PHACTR3: variants seen among roughly 807,000 people sequenced by gnomAD.
The protein encoded by PHACTR3 is protein phosphatase 1, regulatory subunit 123.
A neutral mutation model predicts 66.8 loss-of-function variants in PHACTR3; 16 were observed. That is an observed-to-expected ratio of 0.24 (90% CI 0.16 to 0.36). The LOEUF is 0.36. Ranked by LOEUF, PHACTR3 falls within the 10% of genes least tolerant of loss-of-function variation. The pLI, the probability that PHACTR3 is intolerant of heterozygous loss-of-function variation, is 1.00. For synonymous variants in PHACTR3, 323 were observed against 292.1 expected (o/e 1.11, Z -1.08); for missense variants, 647 against 719.9 (o/e 0.90, Z 1.16).
At chr20:59,788,810 A>T (rs1316521436) in intron 7 of PHACTR3, among the ~76,000 whole-genome samples, 1 of 152,118 alleles carries the variant, frequency 6.6e-6, no homozygotes, top group African/African-American at 2.4e-5. Context: ...AGCTAATGTC[A>T]TCTCCATGTT....
rs2042297453 is a variant in PHACTR3, at chr20:59,829,752, T to C, written c.1329-6753T>C. Among the ~76,000 whole-genome samples, 1 of 152,230 alleles carries C rather than the reference T, an allele frequency of 6.6e-6. No individual in the cohort carries two copies. Among genetic ancestry groups the C allele is most frequent in the Admixed American group, 6.5e-5 (1 of 15,294 alleles). On this transcript the variant is annotated intron_variant, in intron 8 of 12. Transcript: ENST00000371015. The surrounding 1 kb of genome is among the most constrained non-coding windows in gnomAD (Gnocchi z 4.2). ...TGTGGGTGTCGAGCTGTCTGTTCTC[T>C]CTAGGAAGGCATTCTGCCTTGTATG...
At chr20:59,777,907 T>G (rs983284578) in intron 7 of PHACTR3, among the ~76,000 whole-genome samples, 94 of 152,276 alleles carry the variant, frequency 6.2e-4, no homozygotes, top group African/African-American at 2.1e-3. Context: ...ACTCTACGCA[T>G]GCGTCCACGT....
intron 3 of PHACTR3, 111 bp downstream of exon 3, chr20:59,747,946 G>T: frequency 1.8e-6 from 2 of 1,142,070 alleles, no homozygotes; most frequent in Admixed American, 2.3e-5. Flanking sequence ...TCCAAGGAGG[G>T]CCGTGTTCAG....
chr20:59,713,157 C>CT (rs1320419151), intron 1 of PHACTR3, among the ~76,000 whole-genome samples: 1 of 152,284 alleles, frequency 6.6e-6, no homozygotes, highest in African/African-American at 2.4e-5. Context: ...GAATGTGTGC[C>CT]TTTTTGGGCA....
At chr20:59,624,104 G>A (rs1226093661) in intron 1 of PHACTR3, among the ~76,000 whole-genome samples, 1 of 152,158 alleles carries the variant, frequency 6.6e-6, no homozygotes, top group Admixed American at 6.5e-5. Flanking sequence ...AATGGCTGGG[G>A]CAGTGTCTCT....
rs145465090 is a variant in PHACTR3 at position 59,704,254 on chromosome 20, G to T, written c.119-38853G>T. 3.5e-4 allele frequency among the ~76,000 whole-genome samples: 53 copies of T among 152,214 alleles called. 1 individual carries two copies. In the East Asian group the frequency reaches 9.3e-3, roughly 27 times the overall value. On this transcript the variant is annotated intron_variant, in intron 1 of 12. Coordinates refer to ENST00000371015, the MANE Select transcript of PHACTR3 (RefSeq NM_080672.5). ...CATTTTTGTTGTCTACATTAGACTT[G>T]TTGTCCCTAGTTTCTTAGTAGCATT...
At position 59,616,679 on chromosome 20, in the gene PHACTR3, G is replaced by A. The variant is rs183788204; in HGVS notation, c.118+11547G>A. Among the ~76,000 whole-genome samples the A allele has an allele frequency of 2.0e-5, 3 of 152,320 alleles. No homozygotes were observed. The East Asian group carries it at 5.8e-4, about 29-fold the overall frequency. ...CGCTGAGCTGACCACCAGCCCCTGG[G>A]TTCCTTAGGGTTGCCTCTGGGCTCA... On this transcript the variant is annotated intron_variant, in intron 1 of 12. Transcript: ENST00000371015.
At chr20:59,618,865 G>GGGC (rs2034129687) in intron 1 of PHACTR3, among the ~76,000 whole-genome samples, 2 of 152,140 alleles carry the variant, frequency 1.3e-5, no homozygotes, top group East Asian at 3.9e-4. Flanking sequence ...TGAGAGCCTG[G>GGGC]AACTGTTTAG....
rs1256960904 is a variant in PHACTR3 at position 59,617,888 on chromosome 20, G to T, written c.118+12756G>T. Among the ~76,000 whole-genome samples the T allele has an allele frequency of 2.0e-5, 3 of 152,170 alleles. No homozygotes were observed. The East Asian group carries it at 5.8e-4, about 29-fold the overall frequency. On this transcript the variant is annotated intron_variant, in intron 1 of 12. Coordinates refer to ENST00000371015, the MANE Select transcript of PHACTR3 (RefSeq NM_080672.5). ...GGTGAGGCTGGGCTTGGGGAATAGC[G>T]CAGCAAACCGACCTGTTGCCTCATC...
intron 1 of PHACTR3, among the ~76,000 whole-genome samples, chr20:59,634,744 G>A (rs147426068): frequency 2.0e-5 from 3 of 152,334 alleles, no homozygotes; most frequent in African/African-American, 7.2e-5. Context: ...CCAGCAGAAC[G>A]TCCTGTGATG....
At chr20:59,743,334 G>A (rs934322811) in intron 2 of PHACTR3, 66 bp downstream of exon 2, 12 of 1,577,606 alleles carry the variant, frequency 7.6e-6, no homozygotes, top group African/African-American at 2.7e-5. Flanking sequence ...ATGGTGCTGC[G>A]GCCCCTGCTG....
At chr20:59,662,214 GAC>G (rs137932812) in intron 1 of PHACTR3, among the ~76,000 whole-genome samples, 1,673 of 152,320 alleles carry the variant, frequency 0.011, 43 homozygotes, top group African/African-American at 0.037. Context: ...AGTCTTGAGA[GAC>G]ACAGACACTA....
intron 1 of PHACTR3, among the ~76,000 whole-genome samples, chr20:59,610,904 A>G (rs2033826479): frequency 6.6e-6 from 1 of 152,200 alleles, no homozygotes; most frequent in African/African-American, 2.4e-5. Context: ...TCATCATCTC[A>G]TCCTCTGAAA....
At chr20:59,617,785 C>T (rs1290981332) in intron 1 of PHACTR3, among the ~76,000 whole-genome samples, 2 of 152,226 alleles carry the variant, frequency 1.3e-5, no homozygotes, top group East Asian at 3.9e-4. Flanking sequence ...CTCCCTTCGT[C>T]CCTCCTTCCA....
chr20:59,831,674 A>G (rs558724884), intron 8 of PHACTR3, among the ~76,000 whole-genome samples: 4 of 152,174 alleles, frequency 2.6e-5, no homozygotes, highest in East Asian at 1.9e-4. Flanking sequence ...AAGCCCAGCT[A>G]TGCTCCGGCC....
chr20:59,736,788 G>A lies in PHACTR3; in HGVS notation c.119-6319G>A, dbSNP rs965853845. 2.0e-4 allele frequency among the ~76,000 whole-genome samples: 30 copies of A among 152,112 alleles called. No individual in the cohort carries two copies. The highest frequency in any genetic ancestry group is 7.7e-4 in the East Asian group (4 of 5,168). ...TATTTTGAAGTTTCTCTTCTTGGGC[G>A]GAGAGTCATAGCTCTCACAAGCCCT... is the stretch of plus-strand genomic sequence containing the variant. On this transcript the variant is annotated intron_variant, in intron 1 of 12. Coordinates refer to ENST00000371015, the MANE Select transcript of PHACTR3 (RefSeq NM_080672.5). The surrounding 1 kb of genome is among the most constrained non-coding windows in gnomAD (Gnocchi z 4.6).
rs1002535387 is a variant in PHACTR3, at chr20:59,676,593, A to G, written c.119-66514A>G. The G allele has an allele frequency of 1.2e-5, 7 of 571,332 alleles. No individual in the cohort carries two copies. The African/African-American group carries it at 1.2e-4, about 10-fold the overall frequency. 35.4% of individuals were successfully genotyped at this position (571,332 alleles called of 1,614,324 possible). ...GCTGCGCCGGGTTGGAGGTTTTCTC[A>G]GGGAGCGGAGCGAGTCCCCAGGAGC... On this transcript the variant is annotated intron_variant, in intron 1 of 12. Coordinates refer to ENST00000371015, the MANE Select transcript of PHACTR3 (RefSeq NM_080672.5).
At chr20:59,699,718 C>T (rs2037428137) in intron 1 of PHACTR3, among the ~76,000 whole-genome samples, 1 of 152,150 alleles carries the variant, frequency 6.6e-6, no homozygotes, top group Non-Finnish European at 1.5e-5. Flanking sequence ...AATCCAAGCA[C>T]TTTGGGAGGC....
chr20:59,613,840 T>G lies in PHACTR3; in HGVS notation c.118+8708T>G, dbSNP rs75389507. Reference sequence around the variant, plus strand: ...AGATATGTGATCCAAGCCTAAACATTATGTCCATTCAAATTTTATTTAACA... The same window carrying G: ...AGATATGTGATCCAAGCCTAAACATGATGTCCATTCAAATTTTATTTAACA... On this transcript the variant is annotated intron_variant, in intron 1 of 12. Coordinates refer to ENST00000371015, the MANE Select transcript of PHACTR3 (RefSeq NM_080672.5). Among the ~76,000 whole-genome samples the G allele has an allele frequency of 1.7e-3, 263 of 152,330 alleles. 2 individuals carry two copies. The South Asian group carries it at 0.018, about 11-fold the overall frequency.
Sources: allele counts gnomAD v4.1 joint callset (sites outside exome capture counted in the v4.1 genomes callset), GRCh38; gene constraint gnomAD v4.1.1; non-coding constraint Gnocchi (gnomAD v3.1); transcripts MANE v1.5; gene names NCBI Gene and HGNC (gene_info 2026-07-23, HGNC 2026-07-21).